LMF1: variants seen among roughly 807,000 people sequenced by gnomAD.
The protein encoded by LMF1 is transmembrane protein 112.
Under a neutral mutation model 60.6 loss-of-function variants are expected in LMF1, and 68 were observed. That is an observed-to-expected ratio of 1.12 (90% CI 0.92 to 1.37). The LOEUF is 1.37. Among genes scored for constraint, LMF1 ranks in the 40% most tolerant of loss-of-function variants. The pLI is 0.00. For synonymous variants in LMF1, 418 were observed against 324.7 expected (o/e 1.29, Z -3.09); for missense variants, 948 against 767.2 (o/e 1.24, Z -2.78).
chr16:926,323 G>A (rs74004032), intron 3 of LMF1, among the ~76,000 whole-genome samples: 1,605 of 151,990 alleles, frequency 0.011, 34 homozygotes, highest in African/African-American at 0.037. Flanking sequence ...GTGCGTGTTT[G>A]CATAAGATCT....
Position 925,229 on chromosome 16 carries a change from C to T in LMF1, c.514+9015G>A, listed in dbSNP as rs971446305. ...ACAGTTAAAAACAATTAAAAAGCCACGTTGAAGATTCTAGATTAAAGCCAC... is the reference window on the plus strand; with the variant it reads ...ACAGTTAAAAACAATTAAAAAGCCATGTTGAAGATTCTAGATTAAAGCCAC... On this transcript the variant is annotated intron_variant, in intron 3 of 10. Transcript: ENST00000262301. 5.9e-5 allele frequency among the ~76,000 whole-genome samples: 9 copies of T among 152,318 alleles called. No homozygotes were observed. In the South Asian group the frequency reaches 6.2e-4, roughly 11 times the overall value.
intron 5 of LMF1, among the ~76,000 whole-genome samples, chr16:890,227 C>G (rs761406006): frequency 3.3e-5 from 5 of 152,212 alleles, no homozygotes; most frequent in African/African-American, 7.2e-5. Context: ...GCTGCAGGCA[C>G]GGCGCCGCAC....
intron 3 of LMF1, chr16:934,011 T>A: frequency 6.7e-7 from 1 of 1,490,048 alleles, no homozygotes. Flanking sequence ...CCGACAATCA[T>A]GCGTGCGACC....
intron 3 of LMF1, among the ~76,000 whole-genome samples, chr16:926,330 A>T (rs1362708499): frequency 6.6e-6 from 1 of 151,276 alleles, no homozygotes; most frequent in Non-Finnish European, 1.5e-5. Flanking sequence ...TTTGCATAAG[A>T]TCTGCAGGTC....
At chr16:884,874 G>A (rs2070262138) in intron 5 of LMF1, 1 of 146,692 alleles carries the variant, frequency 6.8e-6, no homozygotes, top group Non-Finnish European at 1.5e-5. Context: ...TAGGTAGAGG[G>A]AGAATGATCA....
At chr16:892,118 C>T (rs1004734309) in intron 5 of LMF1, among the ~76,000 whole-genome samples, 3 of 152,226 alleles carry the variant, frequency 2.0e-5, no homozygotes, top group Non-Finnish European at 4.4e-5. Context: ...GCAGAGGCAC[C>T]GCGTGAGGAC....
intron 4 of LMF1, among the ~76,000 whole-genome samples, chr16:896,439 G>T (rs1353901630): frequency 3.9e-5 from 6 of 152,250 alleles, no homozygotes; most frequent in Admixed American, 2.6e-4. Context: ...ACTGTTTAAA[G>T]ACCTGAAGGG....
At chr16:936,435 G>A (rs2071948544) in intron 2 of LMF1, among the ~76,000 whole-genome samples, 1 of 138,952 alleles carries the variant, frequency 7.2e-6, no homozygotes, top group Non-Finnish European at 1.6e-5. Flanking sequence ...GTGGGCTGAG[G>A]AAGGAGGCTG....
intron 10 of LMF1, among the ~76,000 whole-genome samples, chr16:861,568 C>T (rs564223056): frequency 3.7e-4 from 56 of 152,136 alleles, no homozygotes; most frequent in Non-Finnish European, 5.6e-4. Flanking sequence ...CTATGTTAGG[C>T]TGGTCTTGAA....
chr16:956,785 A>G (rs2072714177), intron 1 of LMF1, among the ~76,000 whole-genome samples: 1 of 150,138 alleles, frequency 6.7e-6, no homozygotes, highest in Admixed American at 6.7e-5. Flanking sequence ...TGGAGGGTGC[A>G]GTGAGCCAAG....
In LMF1 at chr16:871,258, G is replaced by A; in HGVS notation, c.981C>T (p.Thr327=). ...VPSLACFDDA[T]LGFLFPSGPG... is the part of the protein sequence containing the mutation. ...GCCCAGAGGGGAACAAGAATCCCAGGGTGGCGTCATCAAAGCAGGCCAGGC... is the reference window on the plus strand; with the variant it reads ...GCCCAGAGGGGAACAAGAATCCCAGAGTGGCGTCATCAAAGCAGGCCAGGC... The change falls in exon 7 of 11, where the codon ACC becomes ACT. Residue 327 remains threonine (T), a synonymous_variant. Coordinates refer to ENST00000262301, the MANE Select transcript of LMF1 (RefSeq NM_022773.4). The A allele has an allele frequency of 6.2e-7, 1 of 1,612,534 alleles. No individual in the cohort carries two copies. Among genetic ancestry groups the A allele is most frequent in the Non-Finnish European group, 8.5e-7 (1 of 1,179,808 alleles).
chr16:859,830 T>C (rs185659272), intron 10 of LMF1, among the ~76,000 whole-genome samples: 23 of 110,098 alleles, frequency 2.1e-4, no homozygotes, highest in Non-Finnish European at 2.8e-4. Flanking sequence ...TGTCTCGGGA[T>C]GGGTGTGAGT....
chr16:861,354 C>CTTTTT (rs33941455), intron 10 of LMF1, among the ~76,000 whole-genome samples: 52 of 92,654 alleles, frequency 5.6e-4, no homozygotes, highest in Non-Finnish European at 7.8e-4. Flanking sequence ...AATTTTCTTT[C>CTTTTT]TTTTTTTTTT....
In LMF1 at chr16:861,593, T is replaced by G. The variant is rs138730133; in HGVS notation, c.1530-6887A>C. ...CTGGTCTTGAACTCCCGACCTCAGG[T>G]GACTGGCCTGCCTTGGCCTCCCACA... On this transcript the variant is annotated intron_variant, in intron 10 of 10. Transcript: ENST00000262301. Among the ~76,000 whole-genome samples, 523 of 152,196 alleles carry G rather than the reference T, an allele frequency of 3.4e-3. 3 individuals carry two copies. The highest frequency in any genetic ancestry group is 0.011 in the African/African-American group (458 of 41,526).
At position 897,138 on chromosome 16, in the gene LMF1, A is replaced by G. The variant is rs917140549; in HGVS notation, c.664-4066T>C. 2.6e-5 allele frequency among the ~76,000 whole-genome samples: 4 copies of G among 152,322 alleles called. No individual in the cohort carries two copies. In the East Asian group the frequency reaches 7.7e-4, roughly 29 times the overall value. On this transcript the variant is annotated intron_variant, in intron 4 of 10. Transcript: ENST00000262301. This position sits in a 1 kb window ranked among gnomAD's most constrained non-coding sequence, Gnocchi z 4.3. ...CCATCGACGATGTTCCCGCCTTGCAACGTGTGGCTGCAGCAGCTCTTCTCC... is the reference window on the plus strand; with the variant it reads ...CCATCGACGATGTTCCCGCCTTGCAGCGTGTGGCTGCAGCAGCTCTTCTCC...
chr16:863,298 G>A (rs1342368540), intron 10 of LMF1, among the ~76,000 whole-genome samples: 4 of 151,962 alleles, frequency 2.6e-5, no homozygotes, highest in African/African-American at 7.2e-5. Flanking sequence ...CTGCCACCAC[G>A]CCCAGCCAAG....
rs531922696 is a variant in LMF1 at position 871,797 on chromosome 16, C to T, written c.898-456G>A. The T allele has an allele frequency of 2.4e-4, 37 of 156,828 alleles. 1 individual carries two copies. In the South Asian group the frequency reaches 4.6e-3, roughly 20 times the overall value. 9.7% of individuals were successfully genotyped at this position (156,828 alleles called of 1,614,324 possible). ...GATGGGTGACACAGACAACAGGGGC[C>T]GTGGGGGGGCCACCAGTAACGCCCC... On this transcript the variant is annotated intron_variant, in intron 6 of 10. Transcript: ENST00000262301.
At position 874,064 on chromosome 16, in the gene LMF1, C is replaced by T. The variant is rs528418666; in HGVS notation, c.898-2723G>A. Among the ~76,000 whole-genome samples the T allele has an allele frequency of 8.3e-4, 127 of 152,240 alleles. No homozygotes were observed. The highest frequency in any genetic ancestry group is 1.3e-3 in the Non-Finnish European group (90 of 68,006). ...CGGCGGGTGTGAGGGTCTCCTTTGCCGGGTGTGGGGGGGGTATGGGAAGTT... is the reference window on the plus strand; with the variant it reads ...CGGCGGGTGTGAGGGTCTCCTTTGCTGGGTGTGGGGGGGGTATGGGAAGTT... On this transcript the variant is annotated intron_variant, in intron 6 of 10. Transcript: ENST00000262301. This position sits in a 1 kb window ranked among gnomAD's most constrained non-coding sequence, Gnocchi z 4.1.
chr16:882,863 C>A (rs990913352), intron 5 of LMF1, among the ~76,000 whole-genome samples: 3 of 139,238 alleles, frequency 2.2e-5, no homozygotes, highest in Non-Finnish European at 4.6e-5. Flanking sequence ...CGGAGCCCAT[C>A]GCAGGACCAG....
Sources: allele counts gnomAD v4.1 joint callset (sites outside exome capture counted in the v4.1 genomes callset), GRCh38; gene constraint gnomAD v4.1.1; non-coding constraint Gnocchi (gnomAD v3.1); transcripts MANE v1.5; gene names NCBI Gene and HGNC (gene_info 2026-07-23, HGNC 2026-07-21).